CNTNAP2: variants seen among roughly 807,000 people sequenced by gnomAD.
The protein encoded by CNTNAP2 is contactin-associated protein-like 2.
A neutral mutation model predicts 155.2 loss-of-function variants in CNTNAP2; 98 were observed. The observed-to-expected ratio is 0.63, with a 90% CI of 0.54 to 0.75. The LOEUF (loss-of-function observed/expected upper bound fraction) is 0.75. Among genes scored for constraint, CNTNAP2 ranks in the 30% least tolerant of loss-of-function variants. The pLI, the probability that CNTNAP2 is intolerant of heterozygous loss-of-function variation, is 0.00. For synonymous variants in CNTNAP2, 651 were observed against 631.2 expected, an observed-to-expected ratio of 1.03 and a Z score of -0.47; for missense variants, 1,727 against 1,688.1, an observed-to-expected ratio of 1.02 and a Z score of -0.40.
At chr7:147,791,969 A>G (rs1797827357) in intron 13 of CNTNAP2, among the ~76,000 whole-genome samples, 1 of 152,154 alleles carries the variant, frequency 6.6e-6, no homozygotes, top group Non-Finnish European at 1.5e-5. Flanking sequence ...AACCACACAA[A>G]TGGGCCTTGT....
chr7:147,451,301 C>G (rs1797829168), intron 10 of CNTNAP2, among the ~76,000 whole-genome samples: 1 of 152,130 alleles, frequency 6.6e-6, no homozygotes, highest in Non-Finnish European at 1.5e-5. Flanking sequence ...CTTAACAAGT[C>G]TATGAATTTC....
chr7:146,996,900 G>A (rs1236046570), intron 3 of CNTNAP2, among the ~76,000 whole-genome samples: 3 of 152,030 alleles, frequency 2.0e-5, no homozygotes, highest in East Asian at 1.9e-4. Flanking sequence ...TACTGTTCTC[G>A]TGGCAGTGAA....
At chr7:146,219,945 C>T (rs187689271) in intron 1 of CNTNAP2, among the ~76,000 whole-genome samples, 1 of 152,158 alleles carries the variant, frequency 6.6e-6, no homozygotes, top group Admixed American at 6.5e-5. Flanking sequence ...AGTACAGCCC[C>T]TTAATTTTAC....
At chr7:146,600,726 T>C (rs1585001086) in intron 1 of CNTNAP2, among the ~76,000 whole-genome samples, 1 of 152,272 alleles carries the variant, frequency 6.6e-6, no homozygotes, top group South Asian at 2.1e-4. Context: ...TATGACCCAT[T>C]TGACCTCCAT....
At chr7:146,505,630 T>TA (rs1309737481) in intron 1 of CNTNAP2, among the ~76,000 whole-genome samples, 1 of 152,234 alleles carries the variant, frequency 6.6e-6, no homozygotes, top group African/African-American at 2.4e-5. Context: ...TAAATCATAC[T>TA]ATAGGCTCTC....
At chr7:146,479,625 A>G (rs567125449) in intron 1 of CNTNAP2, among the ~76,000 whole-genome samples, 2 of 152,192 alleles carry the variant, frequency 1.3e-5, no homozygotes, top group East Asian at 1.9e-4. Context: ...AATTAAGTTT[A>G]TCAACTTTAT....
intron 13 of CNTNAP2, among the ~76,000 whole-genome samples, chr7:147,703,246 A>AC (rs1796262846): frequency 6.6e-6 from 1 of 152,136 alleles, no homozygotes; most frequent in African/African-American, 2.4e-5. Context: ...ACTGACAACT[A>AC]AAGCAAGTGG....
chr7:147,347,435 T>TATATGCATATATATATATATGC (rs1795887800), intron 9 of CNTNAP2, among the ~76,000 whole-genome samples: 6 of 34,538 alleles, frequency 1.7e-4, no homozygotes, highest in Non-Finnish European at 3.2e-4. Flanking sequence ...TATATATATA[T>TATATGCATATATATATATATGC]ATATGCATAT....
intron 1 of CNTNAP2, among the ~76,000 whole-genome samples, chr7:146,555,492 GTCTGTCTATCTATCTA>G (rs1305273011): frequency 0.025 from 2,094 of 84,652 alleles, 45 homozygotes; most frequent in African/African-American, 0.025. Context: ...TGTATCATCT[GTCTGTCTATCTATCTA>G]TCTATCTATC....
At chr7:147,243,354 C>T (rs1196535823) in intron 8 of CNTNAP2, among the ~76,000 whole-genome samples, 1 of 152,030 alleles carries the variant, frequency 6.6e-6, no homozygotes, top group Non-Finnish European at 1.5e-5. Flanking sequence ...ATCTAATTTT[C>T]TATTTTTATG....
chr7:146,742,847 TACTC>T (rs1801743141), intron 1 of CNTNAP2, among the ~76,000 whole-genome samples: 1 of 152,190 alleles, frequency 6.6e-6, no homozygotes, highest in African/African-American at 2.4e-5. Flanking sequence ...TGATTTTTGG[TACTC>T]ACAGTTGATA....
intron 12 of CNTNAP2, among the ~76,000 whole-genome samples, chr7:147,596,975 A>G (rs1052293005): frequency 1.4e-5 from 2 of 147,904 alleles, no homozygotes; most frequent in African/African-American, 5.0e-5. Flanking sequence ...TATATGGTCT[A>G]AAGAAGGGAG....
intron 8 of CNTNAP2, among the ~76,000 whole-genome samples, chr7:147,268,233 T>TGTATGTACATCCTC (rs1804660309): frequency 8.2e-6 from 1 of 122,396 alleles, no homozygotes; most frequent in Non-Finnish European, 1.9e-5. Context: ...CATCCTCTTT[T>TGTATGTACATCCTC]TTGACACTCA....
intron 3 of CNTNAP2, among the ~76,000 whole-genome samples, chr7:146,980,851 G>A (rs549595151): frequency 6.6e-6 from 1 of 151,978 alleles, no homozygotes; most frequent in Non-Finnish European, 1.5e-5. Context: ...TTATATCATC[G>A]GGTTCCTTCC....
At chr7:147,832,540 TTTC>T (rs1798566721) in intron 13 of CNTNAP2, among the ~76,000 whole-genome samples, 1 of 146,264 alleles carries the variant, frequency 6.8e-6, no homozygotes, top group Non-Finnish European at 1.5e-5. Context: ...TATTTTTATA[TTTC>T]AATATATTAT....
intron 21 of CNTNAP2, among the ~76,000 whole-genome samples, chr7:148,303,864 C>T (rs1347231315): frequency 6.6e-6 from 1 of 152,166 alleles, no homozygotes; most frequent in Non-Finnish European, 1.5e-5. Flanking sequence ...TTCAAGATTA[C>T]ATTAGGAAGG....
At chr7:147,817,267 C>T (rs1288485890) in intron 13 of CNTNAP2, among the ~76,000 whole-genome samples, 1 of 152,124 alleles carries the variant, frequency 6.6e-6, no homozygotes, top group Non-Finnish European at 1.5e-5. Flanking sequence ...TTAATTCGAG[C>T]ATATCAACTA....
At chr7:146,479,513 T>G (rs530311659) in intron 1 of CNTNAP2, among the ~76,000 whole-genome samples, 1 of 152,160 alleles carries the variant, frequency 6.6e-6, no homozygotes, top group African/African-American at 2.4e-5. Context: ...AAATGATGTA[T>G]TTACATAATA....
intron 15 of CNTNAP2, among the ~76,000 whole-genome samples, chr7:148,042,141 A>C (rs140447658): frequency 6.6e-6 from 1 of 152,226 alleles, no homozygotes; most frequent in East Asian, 1.9e-4. Context: ...AAAAAAACAC[A>C]TAACACCAAA....
Sources: allele counts gnomAD v4.1 joint callset (sites outside exome capture counted in the v4.1 genomes callset), GRCh38; gene constraint gnomAD v4.1.1; transcripts MANE v1.5; gene names NCBI Gene and HGNC (gene_info 2026-07-23, HGNC 2026-07-21).